The following CENPF variants were observed in gnomAD, a reference collection of about 807,000 sequenced individuals.
The protein encoded by CENPF is centromere protein F, also known as AH antigen.
In CENPF, 214 loss-of-function variants were observed where a neutral mutation model predicts 307.3. The ratio of observed to expected loss-of-function variants is 0.70; its 90% CI spans 0.62 to 0.78. The LOEUF (loss-of-function observed/expected upper bound fraction) is 0.78. Ranked by LOEUF, CENPF falls within the 30% of genes least tolerant of loss-of-function variation. CENPF has a pLI of 0.00. For synonymous variants in CENPF, 1,259 were observed against 1,270.6 expected (o/e 0.99, Z 0.19); for missense variants, 3,401 against 3,483.9 (o/e 0.98, Z 0.60).
At chr1:214,628,135 T>A (rs1410448675) in intron 7 of CENPF, among the ~76,000 whole-genome samples, 1 of 152,178 alleles carries the variant, frequency 6.6e-6, no homozygotes, top group Non-Finnish European at 1.5e-5. Flanking sequence ...TGTTTTAGAG[T>A]ATTATGGAGC....
intron 3 of CENPF, among the ~76,000 whole-genome samples, chr1:214,617,038 CT>C (rs1553284963): frequency 7.4e-6 from 1 of 134,880 alleles, no homozygotes; most frequent in Non-Finnish European, 1.6e-5. Flanking sequence ...TTCTTTCTTT[CT>C]TCTTTTTCTT....
rs1354964925 is a variant in CENPF, at chr1:214,622,229, G to A, written c.1016G>A (p.Cys339Tyr). ...LIEKEKVLNKCRDELVRTTAQ... is the reference protein window; with the variant it reads ...LIEKEKVLNKYRDELVRTTAQ... ...GAAAAAGAGAAAGTTTTGAACAAATGTAGGGATGAACTAGTGAGAACAACA... is the reference window on the plus strand; with the variant it reads ...GAAAAAGAGAAAGTTTTGAACAAATATAGGGATGAACTAGTGAGAACAACA... Residue 339 changes from cysteine (C) to tyrosine (Y), a missense_variant, in exon 7 of 20, where the codon TGT (cysteine) becomes TAT (tyrosine). By Grantham distance (194) the Cys-to-Tyr change is radical. Transcript: ENST00000366955. 2.5e-6 allele frequency: 4 copies of A among 1,614,110 alleles called. No homozygotes were observed. The highest frequency in any genetic ancestry group is 1.1e-5 in the South Asian group (1 of 91,084).
intron 1 of CENPF, chr1:214,608,944 G>A (rs914304768): frequency 4.1e-5 from 46 of 1,128,026 alleles, no homozygotes; most frequent in Middle Eastern, 6.3e-4. Context: ...TCGCGGGCAG[G>A]GGGGAGGGCG....
chr1:214,623,756 A>C (rs1425606959), intron 7 of CENPF, among the ~76,000 whole-genome samples: 1 of 152,212 alleles, frequency 6.6e-6, no homozygotes, highest in Non-Finnish European at 1.5e-5. Flanking sequence ...TGGGGCTGGA[A>C]CAGTGATAAA....
At chr1:214,619,582 A>G (rs1657451341) in intron 5 of CENPF, among the ~76,000 whole-genome samples, 3 of 152,158 alleles carry the variant, frequency 2.0e-5, no homozygotes, top group Admixed American at 6.5e-5. Flanking sequence ...GTTGCTTCCT[A>G]TATAGTCCTT....
In CENPF at chr1:214,643,277, G is replaced by A. The variant is rs1360075307; in HGVS notation, c.4939G>A (p.Gly1647Ser). 1.1e-5 allele frequency: 17 copies of A among 1,543,642 alleles called. No homozygotes were observed. Among genetic ancestry groups the A allele is most frequent in the Non-Finnish European group, 1.4e-5 (16 of 1,151,394 alleles). Residue 1647 changes from glycine (G) to serine (S), a missense_variant, in exon 12 of 20, where the codon GGT (glycine) becomes AGT (serine). Gly to Ser is a moderately conservative substitution (Grantham distance 56). Coordinates refer to ENST00000366955, the MANE Select transcript of CENPF (RefSeq NM_016343.4). ...ELEVARLQLQ[G>S]LDLSSRSLLG... Reference sequence around the variant, plus strand: ...GGAAGTAGCACGACTCCAGCTACAAGGTCTGGACTTAAGTTCTCGGTCTTT... The same window carrying A: ...GGAAGTAGCACGACTCCAGCTACAAAGTCTGGACTTAAGTTCTCGGTCTTT...
chr1:214,627,460 G>A (rs1340074676), intron 7 of CENPF, among the ~76,000 whole-genome samples: 3 of 134,428 alleles, frequency 2.2e-5, no homozygotes, highest in Non-Finnish European at 4.6e-5. Flanking sequence ...TGCAACCTCC[G>A]CCTCCTGGGT....
At chr1:214,653,042 G>T in intron 16 of CENPF, 53 bp downstream of exon 16, 1 of 1,496,164 alleles carries the variant, frequency 6.7e-7, no homozygotes, top group Non-Finnish European at 9.3e-7. Flanking sequence ...ACAGGTGGTA[G>T]TGATTTTAAT....
In CENPF at chr1:214,646,197, G is replaced by T. The variant is rs761095844; in HGVS notation, c.6627G>T (p.Arg2209Ser). 1 of 1,613,162 alleles carries T rather than the reference G, an allele frequency of 6.2e-7. No individual in the cohort carries two copies. Among genetic ancestry groups the T allele is most frequent in the Non-Finnish European group, 8.5e-7 (1 of 1,179,886 alleles). ...KVFELDLVTLRSEKENLTKQI... is the reference protein window; with the variant it reads ...KVFELDLVTLSSEKENLTKQI... ...TTGAATTAGACCTTGTCACGTTAAGGTCTGAAAAAGAAAATCTGACAAAAC... is the reference window on the plus strand; with the variant it reads ...TTGAATTAGACCTTGTCACGTTAAGTTCTGAAAAAGAAAATCTGACAAAAC... The change falls in exon 13 of 20, where the codon AGG becomes AGT. Residue 2209 changes from arginine (R) to serine (S), a missense_variant. Arg to Ser is a moderately radical substitution (Grantham distance 110, BLOSUM62 -1). Coordinates refer to ENST00000366955, the MANE Select transcript of CENPF (RefSeq NM_016343.4).
At chr1:214,647,967 TTGA>T (rs753939081) in intron 13 of CENPF, 11 of 504,114 alleles carry the variant, frequency 2.2e-5, no homozygotes, top group Non-Finnish European at 4.4e-5. Context: ...ATTGTATTAG[TTGA>T]TGATTAAAGG....
At chr1:214,604,463 T>C (rs530443770) in intron 1 of CENPF, among the ~76,000 whole-genome samples, 12 of 152,330 alleles carry the variant, frequency 7.9e-5, no homozygotes, top group East Asian at 1.9e-4. Context: ...GGCCAAAATC[T>C]GCTCTAATCA....
At chr1:214,608,654 G>A in intron 1 of CENPF, 1 of 1,602,138 alleles carries the variant, frequency 6.2e-7, no homozygotes, top group South Asian at 1.1e-5. Flanking sequence ...CAGCGCCCGG[G>A]TGCGCCCGAG....
At chr1:214,651,437 G>A (rs1658458113) in intron 14 of CENPF, among the ~76,000 whole-genome samples, 1 of 152,182 alleles carries the variant, frequency 6.6e-6, no homozygotes, top group Admixed American at 6.5e-5. Flanking sequence ...TGTGGTCCCA[G>A]AGTGGTTTAA....
intron 1 of CENPF, among the ~76,000 whole-genome samples, chr1:214,609,102 C>T (rs1345309737): frequency 6.6e-6 from 1 of 151,742 alleles, no homozygotes; most frequent in African/African-American, 2.4e-5. Context: ...GCCCCTGGGC[C>T]CCAGGGCCGC....
In CENPF at chr1:214,646,915, GA is replaced by G. The variant is rs1166556659; in HGVS notation, c.7346del (p.Glu2449GlyfsTer27). On this transcript the variant is annotated frameshift_variant, in exon 13 of 20. Coordinates refer to ENST00000366955, the MANE Select transcript of CENPF (RefSeq NM_016343.4). LOFTEE classifies it high-confidence loss of function. ...GGAGATGCTTCAAACACAATTAAAA[GA>G]GCTCAATGAGAGAGTGGCAGCCCTG... ...AMEMLQTQLK[E>X]LNERVAALHN... is the part of the protein sequence containing the mutation. 6.2e-7 allele frequency: 1 copy of G among 1,614,076 alleles called. No homozygotes were observed. Among genetic ancestry groups the G allele is most frequent in the South Asian group, 1.1e-5 (1 of 91,064 alleles).
At chr1:214,606,159 C>T (rs1657024440) in intron 1 of CENPF, 1 of 1,379,756 alleles carries the variant, frequency 7.2e-7, no homozygotes. Context: ...CCGGGCCCAG[C>T]TCCGGATGCG....
In CENPF at chr1:214,642,690, C is replaced by T. The variant is rs147738481; in HGVS notation, c.4352C>T (p.Thr1451Met). Residue 1451 changes from threonine to methionine, a missense_variant, in exon 12 of 20, where the codon ACG becomes ATG. Coordinates refer to ENST00000366955, the MANE Select transcript of CENPF (RefSeq NM_016343.4). ...AAGGCCGAAAATTTGGTCTTGTCAA[C>T]GAATCTGAGAAACTTTCAAGGTGAC... ...SLKAENLVLS[T>M]NLRNFQGDLV... 118 of 1,613,966 alleles carry T rather than the reference C, an allele frequency of 7.3e-5. No homozygotes were observed. The Admixed American group carries it at 7.3e-4, about 10-fold the overall frequency.
In CENPF at chr1:214,644,893, C is replaced by T. The variant is rs756534344; in HGVS notation, c.5323C>T (p.Arg1775Trp). ...GGAAGATATCCATAATCTTCAACTG[C>T]GGGTAAAAGAGACATCAAATGAGAA... ...NQEDIHNLQL[R>W]VKETSNENLR... The change falls in exon 13 of 20, where the codon CGG becomes TGG. Residue 1775 changes from arginine (R) to tryptophan (W), a missense_variant. Arg to Trp is a moderately radical substitution (Grantham distance 101, BLOSUM62 -3). Transcript: ENST00000366955. The T allele has an allele frequency of 3.0e-5, 49 of 1,613,872 alleles. No individual in the cohort carries two copies. The highest frequency in any genetic ancestry group is 3.3e-4 in the Middle Eastern group (2 of 6,062).
rs905602529 is a variant in CENPF, at chr1:214,618,136, C to T, written c.360-437C>T. 5.9e-5 allele frequency among the ~76,000 whole-genome samples: 9 copies of T among 152,258 alleles called. 1 individual carries two copies. The highest frequency in any genetic ancestry group is 3.4e-3 in the Middle Eastern group (1 of 294). On this transcript the variant is annotated intron_variant, in intron 3 of 19. Transcript: ENST00000366955. ...ATAAAACCATCAGATCTTGTGAGAA[C>T]GCACTATCACGAGAATAGCATGGGA...
Sources: gnomAD v4.1 joint callset for allele counts (sites outside exome capture counted in the v4.1 genomes callset) on GRCh38, gnomAD v4.1.1 for gene constraint, MANE v1.5 for transcripts, NCBI Gene and HGNC (gene_info 2026-07-23, HGNC 2026-07-21) for gene names.